Variants in NF1 observed in about 807,000 individuals in gnomAD.
NF1 encodes neurofibromin 1, also known as neurofibromin.
A neutral mutation model predicts 325.7 loss-of-function variants in NF1; 122 were observed. The observed-to-expected ratio is 0.37, with a 90% CI of 0.32 to 0.44. The LOEUF (loss-of-function observed/expected upper bound fraction) is 0.44, where lower values mean the gene tolerates loss of function less well. NF1 is among the 20% of genes least tolerant of loss of function. NF1 has a pLI of 1.00. For synonymous variants in NF1, 1,091 were observed against 1,186.0 expected, an observed-to-expected ratio of 0.92 and a Z score of 1.65; for missense variants, 2,140 against 3,415.4, an observed-to-expected ratio of 0.63 and a Z score of 9.31.
chr17:31,111,994 A>G (rs573939750), intron 1 of NF1, among the ~76,000 whole-genome samples: 11 of 152,144 alleles, frequency 7.2e-5, no homozygotes, highest in Non-Finnish European at 1.5e-4. Flanking sequence ...TAAAATGTAT[A>G]ATTTGATGAG....
At chr17:31,279,653 C>G (rs555078080) in intron 36 of NF1, among the ~76,000 whole-genome samples, 1 of 150,936 alleles carries the variant, frequency 6.6e-6, no homozygotes, top group Admixed American at 6.6e-5. Context: ...TGCAAAAAGA[C>G]AGGCCATTGT....
intron 8 of NF1, among the ~76,000 whole-genome samples, chr17:31,189,268 T>C (rs2066296028): frequency 6.6e-6 from 1 of 152,180 alleles, no homozygotes; most frequent in African/African-American, 2.4e-5. Flanking sequence ...ATGAGTTCTT[T>C]TTACTATATA....
intron 8 of NF1, among the ~76,000 whole-genome samples, chr17:31,194,723 G>A (rs1177346419): frequency 6.6e-6 from 1 of 152,100 alleles, no homozygotes; most frequent in African/African-American, 2.4e-5. Context: ...ATTGTATCCA[G>A]TCAGATAGTT....
At chr17:31,313,069 A>G (rs938808785) in intron 36 of NF1, among the ~76,000 whole-genome samples, 3 of 152,190 alleles carry the variant, frequency 2.0e-5, no homozygotes, top group African/African-American at 7.2e-5. Context: ...AAAATGAGCC[A>G]TAATGTTTTC....
At chr17:31,360,401 G>A in intron 56 of NF1, 86 bp from the exon 57 acceptor site, 1 of 1,149,032 alleles carries the variant, frequency 8.7e-7, no homozygotes, top group Non-Finnish European at 1.3e-6. Flanking sequence ...AGTAAATTAA[G>A]TCCAAACAAA....
rs2151431811 is a variant in NF1 at position 31,230,399 on chromosome 17, G to A, written c.3113+17G>A. ...GAAATTTAGGTGAGTTCTCAAAAGA[G>A]CAATGTAGGGTCTTGTAAATCTTAA... On this transcript the variant is annotated intron_variant, in intron 23 of 57. Coordinates refer to ENST00000358273, the MANE Select transcript of NF1 (RefSeq NM_001042492.3). 6.2e-7 allele frequency: 1 copy of A among 1,613,012 alleles called. No individual in the cohort carries two copies.
At chr17:31,356,423 G>T in intron 51 of NF1, 37 bp from the exon 52 acceptor site, 1 of 1,603,420 alleles carries the variant, frequency 6.2e-7, no homozygotes, top group Non-Finnish European at 8.5e-7. Flanking sequence ...AGACACTGTA[G>T]TTAATGAACT....
Position 31,233,165 on chromosome 17 carries a change from A to G in NF1, c.3660A>G (p.Glu1220=), listed in dbSNP as rs1597720161. ...ELVTMMGDQG[E]LPIAMALANV... ...TCACAATGATGGGTGATCAAGGAGAACTCCCTATAGCGATGGCTCTGGCCA... is the reference window on the plus strand; with the variant it reads ...TCACAATGATGGGTGATCAAGGAGAGCTCCCTATAGCGATGGCTCTGGCCA... Residue 1220 remains glutamate, a synonymous_variant, in exon 27 of 58, where the codon GAA becomes GAG. Transcript: ENST00000358273. 1 of 1,613,972 alleles carries G rather than the reference A, an allele frequency of 6.2e-7. No individual in the cohort carries two copies. Among genetic ancestry groups the G allele is most frequent in the Non-Finnish European group, 8.5e-7 (1 of 1,179,960 alleles).
intron 8 of NF1, among the ~76,000 whole-genome samples, chr17:31,185,893 G>A (rs567245295): frequency 1.1e-3 from 165 of 152,256 alleles, no homozygotes; most frequent in South Asian, 1.0e-2. Context: ...AAATCACAGC[G>A]GAGGCCTCTA....
intron 5 of NF1, among the ~76,000 whole-genome samples, chr17:31,177,305 C>G (rs2066041762): frequency 6.6e-6 from 1 of 151,914 alleles, no homozygotes; most frequent in African/African-American, 2.4e-5. Flanking sequence ...CCAGCAAACT[C>G]CAGCAGACCT....
At position 31,265,092 on chromosome 17, in the gene NF1, A is replaced by G. The variant is rs1345247219; in HGVS notation, c.4725-137A>G. The G allele has an allele frequency of 4.6e-6, 3 of 648,452 alleles. No individual in the cohort carries two copies. The African/African-American group carries it at 5.6e-5, about 12-fold the overall frequency. The allele number at this position is 648,452 out of a possible 1,614,324, so 40.2% of individuals were successfully genotyped here. On this transcript the variant is annotated intron_variant, in intron 35 of 57. Coordinates refer to ENST00000358273, the MANE Select transcript of NF1 (RefSeq NM_001042492.3). ...TTGAAATTTTTGGTGCATGTTGCCA[A>G]ATTACCCTTTAGAATGCCTGTTGCT...
At chr17:31,338,857 TG>T (rs1399322842) in intron 46 of NF1, 52 bp downstream of exon 46, 1 of 1,130,614 alleles carries the variant, frequency 8.8e-7, no homozygotes, top group East Asian at 2.4e-5. Context: ...CAGTGTTGAA[TG>T]TTACTTTCTT....
At chr17:31,095,588 T>A (rs1236082027) in intron 1 of NF1, 5 of 495,672 alleles carry the variant, frequency 1.0e-5, no homozygotes, top group African/African-American at 2.0e-5. Context: ...CTTTCCCTCC[T>A]AAGTCGGGGG....
chr17:31,350,095 T>G, intron 49 of NF1, 88 bp from the exon 50 acceptor site: 1 of 1,381,880 alleles, frequency 7.2e-7, no homozygotes, highest in East Asian at 2.3e-5. Context: ...GGTACTATGC[T>G]CTTTAGGAGA....
At chr17:31,169,554 G>GTT (rs202244174) in intron 4 of NF1, among the ~76,000 whole-genome samples, 1 of 151,190 alleles carries the variant, frequency 6.6e-6, no homozygotes, top group African/African-American at 2.4e-5. Context: ...TTTTGTTTTT[G>GTT]TTTTTTTTAA....
rs111297368 is a variant in NF1, at chr17:31,106,580, G to A, written c.60+11211G>A. Among the ~76,000 whole-genome samples the A allele has an allele frequency of 3.7e-3, 563 of 152,272 alleles. 6 individuals carry two copies. The highest frequency in any genetic ancestry group is 0.013 in the African/African-American group (535 of 41,542). On this transcript the variant is annotated intron_variant, in intron 1 of 57. Coordinates refer to ENST00000358273, the MANE Select transcript of NF1 (RefSeq NM_001042492.3). ...AGTACAAATATGCAAAATGAGGGAT[G>A]TATGATTGCTTCTTCACTCGAAGAT...
chr17:31,219,269 C>G (rs887371367), intron 14 of NF1, 151 bp downstream of exon 14: 14 of 741,550 alleles, frequency 1.9e-5, no homozygotes, highest in Middle Eastern at 2.8e-4. Context: ...TTATAAAACT[C>G]CATGGAGAAA....
At chr17:31,247,612 G>T (rs1283666892) in intron 29 of NF1, among the ~76,000 whole-genome samples, 1 of 152,102 alleles carries the variant, frequency 6.6e-6, no homozygotes, top group Non-Finnish European at 1.5e-5. Context: ...GAGCTATTTG[G>T]CAATATCTAG....
Position 31,244,222 on chromosome 17 carries a change from T to C in NF1, c.3975-4762T>C, listed in dbSNP as rs538277907. Among the ~76,000 whole-genome samples, 4 of 152,054 alleles carry C rather than the reference T, an allele frequency of 2.6e-5. No homozygotes were observed. In the South Asian group the frequency reaches 8.3e-4, roughly 32 times the overall value. On this transcript the variant is annotated intron_variant, in intron 29 of 57. Transcript: ENST00000358273. ...GTCCTCTTTACTCTCTCCACTCTTG[T>C]ATTTGAACAGAGGGAAGGCATCTCT...
Sources: allele counts gnomAD v4.1 joint callset (sites outside exome capture counted in the v4.1 genomes callset), GRCh38; gene constraint gnomAD v4.1.1; transcripts MANE v1.5; gene names NCBI Gene and HGNC (gene_info 2026-07-23, HGNC 2026-07-21).